ULK4: variants seen among roughly 807,000 people sequenced by gnomAD.
ULK4 encodes the protein inactive serine/threonine-protein kinase ULK4.
A neutral mutation model predicts 160.6 loss-of-function variants in ULK4; 133 were observed. The observed-to-expected ratio is 0.83, with a 90% CI of 0.72 to 0.96. The LOEUF (loss-of-function observed/expected upper bound fraction) is 0.96, where lower values mean the gene tolerates loss of function less well. Among genes scored for constraint, ULK4 ranks in the 40% least tolerant of loss-of-function variants. The pLI is 0.00. For missense variants in ULK4, 1,580 were observed against 1,499.5 expected (o/e 1.05, Z -0.89); for synonymous variants, 534 against 539.8 (o/e 0.99, Z 0.15).
At chr3:41,300,840 TATATATATATATA>T (rs1559512074) in intron 35 of ULK4, among the ~76,000 whole-genome samples, 89 of 22,212 alleles carry the variant, frequency 4.0e-3, no homozygotes, top group African/African-American at 0.012. Flanking sequence ...TTACAGATTA[TATATATATATATA>T]TATATATATA....
intron 31 of ULK4, among the ~76,000 whole-genome samples, chr3:41,607,798 G>A (rs2032449228): frequency 6.6e-6 from 1 of 152,110 alleles, no homozygotes; most frequent in African/African-American, 2.4e-5. Context: ...GCATACACAT[G>A]GGCATAGGCA....
intron 30 of ULK4, among the ~76,000 whole-genome samples, chr3:41,621,866 T>G (rs2033258036): frequency 6.6e-6 from 1 of 152,156 alleles, no homozygotes; most frequent in Admixed American, 6.5e-5. Flanking sequence ...TTTTTCTGTG[T>G]GACATAGGTC....
chr3:41,907,768 A>T, intron 12 of ULK4, 77 bp downstream of exon 12: 1 of 932,578 alleles, frequency 1.1e-6, no homozygotes, highest in Non-Finnish European at 1.5e-6. Flanking sequence ...TATTAACATA[A>T]TTCATTTACC....
chr3:41,506,609 C>A (rs952760775), intron 32 of ULK4, among the ~76,000 whole-genome samples: 2 of 151,016 alleles, frequency 1.3e-5, no homozygotes, highest in Non-Finnish European at 3.0e-5. Flanking sequence ...AATTTAACAT[C>A]AACTTCTCTG....
At position 41,896,993 on chromosome 3, in the gene ULK4, T is replaced by A. The variant is rs756635181; in HGVS notation, c.1359A>T (p.Leu453Phe). ...LHLPTYSVDK[L>F]LFLKDQDWND... ...TCCAATCTTGATCTTTCAGAAATAA[T>A]AACTTATCCACTGCGATGGAAAGAA... is the stretch of plus-strand genomic sequence containing the variant. Residue 453 changes from leucine (L) to phenylalanine (F), a missense_variant, in exon 15 of 37, where the codon TTA becomes TTT. By Grantham distance (22) the Leu-to-Phe change is conservative. Transcript: ENST00000301831. 1.2e-6 allele frequency: 2 copies of A among 1,611,326 alleles called. No individual in the cohort carries two copies. The highest frequency in any genetic ancestry group is 1.7e-6 in the Non-Finnish European group (2 of 1,179,026).
At chr3:41,364,714 A>G (rs1334850742) in intron 35 of ULK4, among the ~76,000 whole-genome samples, 2 of 152,224 alleles carry the variant, frequency 1.3e-5, no homozygotes, top group Admixed American at 1.3e-4. Context: ...CTAGAAATAC[A>G]CAAACAAACA....
chr3:41,756,819 A>T (rs2038819064), intron 21 of ULK4, among the ~76,000 whole-genome samples: 2 of 152,256 alleles, frequency 1.3e-5, no homozygotes, highest in African/African-American at 2.4e-5. Flanking sequence ...CTACTTCAAA[A>T]TAAACACCAA....
chr3:41,772,586 T>C (rs889245436), intron 21 of ULK4, among the ~76,000 whole-genome samples: 1 of 151,892 alleles, frequency 6.6e-6, no homozygotes, highest in East Asian at 1.9e-4. Context: ...TAATAGCTTA[T>C]CAACCAAAAA....
intron 22 of ULK4, among the ~76,000 whole-genome samples, chr3:41,742,638 C>T (rs1323903704): frequency 1.3e-5 from 2 of 151,946 alleles, no homozygotes; most frequent in African/African-American, 2.4e-5. Context: ...ACACATACTA[C>T]ACTAGTATGA....
At chr3:41,611,095 A>G (rs35763235) in intron 31 of ULK4, among the ~76,000 whole-genome samples, 27,586 of 152,208 alleles carry the variant, frequency 0.18, 2,622 homozygotes, top group South Asian at 0.23. Context: ...AGCCAAGACA[A>G]TGGACTCTTC....
chr3:41,429,438 A>C (rs1215756564), intron 34 of ULK4, among the ~76,000 whole-genome samples: 4 of 152,206 alleles, frequency 2.6e-5, no homozygotes, highest in Admixed American at 6.5e-5. Context: ...TGTTACAAAG[A>C]TACATGCACA....
At chr3:41,354,972 C>T (rs577929647) in intron 35 of ULK4, among the ~76,000 whole-genome samples, 12 of 152,270 alleles carry the variant, frequency 7.9e-5, no homozygotes, top group Middle Eastern at 3.4e-3. Context: ...TGCCTCAAAG[C>T]GCTGCGAGGT....
At chr3:41,678,618 G>A (rs1346133514) in intron 29 of ULK4, among the ~76,000 whole-genome samples, 1 of 152,218 alleles carries the variant, frequency 6.6e-6, no homozygotes, top group Non-Finnish European at 1.5e-5. Context: ...AGTCATGTGA[G>A]CAAATAAACT....
chr3:41,459,014 A>G (rs2083619510), intron 33 of ULK4, among the ~76,000 whole-genome samples: 1 of 150,162 alleles, frequency 6.7e-6, no homozygotes, highest in Non-Finnish European at 1.5e-5. Flanking sequence ...TCAGCCTCCC[A>G]AAGTGCTGGG....
At chr3:41,493,045 C>A (rs1393887073) in intron 32 of ULK4, among the ~76,000 whole-genome samples, 2 of 107,274 alleles carry the variant, frequency 1.9e-5, no homozygotes, top group Non-Finnish European at 4.1e-5. Context: ...CAAGGATATA[C>A]AGGAATTGAA....
At chr3:41,542,064 G>A (rs957422701) in intron 32 of ULK4, among the ~76,000 whole-genome samples, 4 of 152,158 alleles carry the variant, frequency 2.6e-5, no homozygotes, top group Non-Finnish European at 4.4e-5. Context: ...TTGAATAGGA[G>A]TGGTGAGAGA....
intron 2 of ULK4, among the ~76,000 whole-genome samples, chr3:41,945,291 C>A (rs1460791134): frequency 6.6e-6 from 1 of 152,214 alleles, no homozygotes; most frequent in Non-Finnish European, 1.5e-5. Context: ...TTACCACTTA[C>A]ATCAGTTTGG....
chr3:41,949,822 G>A (rs1020843054), intron 2 of ULK4, among the ~76,000 whole-genome samples: 5 of 148,312 alleles, frequency 3.4e-5, no homozygotes, highest in Admixed American at 2.0e-4. Context: ...CTGCAACCTC[G>A]ACCTCCAGGG....
intron 35 of ULK4, among the ~76,000 whole-genome samples, chr3:41,354,099 A>C (rs1052746009): frequency 6.6e-6 from 1 of 152,198 alleles, no homozygotes; most frequent in Non-Finnish European, 1.5e-5. Context: ...AAGGAAACTC[A>C]TCCCAGAAGT....
Sources: gnomAD v4.1 joint callset for allele counts (sites outside exome capture counted in the v4.1 genomes callset) on GRCh38, gnomAD v4.1.1 for gene constraint, MANE v1.5 for transcripts, NCBI Gene and HGNC (gene_info 2026-07-23, HGNC 2026-07-21) for gene names.